MCM5: variants seen among roughly 807,000 people sequenced by gnomAD.
The protein encoded by MCM5 is minichromosome maintenance complex component 5, also known as DNA replication licensing factor MCM5.
In MCM5, 46 loss-of-function variants were observed where a neutral mutation model predicts 79.9. That is an observed-to-expected ratio of 0.58 (90% CI 0.45 to 0.74). The LOEUF (loss-of-function observed/expected upper bound fraction) is 0.74. Among genes scored for constraint, MCM5 ranks in the 30% least tolerant of loss-of-function variants. MCM5 has a pLI of 0.00. For synonymous variants in MCM5, 404 were observed against 390.5 expected (o/e 1.03, Z -0.41); for missense variants, 883 against 1,017.0 (o/e 0.87, Z 1.79).
At chr22:35,453,612 C>G in the MCM5 span, among the ~76,000 whole-genome samples, 1 of 148,826 alleles carries the variant, frequency 6.7e-6, no homozygotes, top group Non-Finnish European at 1.5e-5. Flanking sequence ...TAAATAGAGA[C>G]AGAGAGATAA....
chr22:35,443,145 G>A, the MCM5 span, among the ~76,000 whole-genome samples: 5 of 152,136 alleles, frequency 3.3e-5, no homozygotes, highest in African/African-American at 7.2e-5. Context: ...CCACTCATTC[G>A]ATTGCCACAT....
the MCM5 span, among the ~76,000 whole-genome samples, chr22:35,452,295 G>C: frequency 6.6e-6 from 1 of 151,256 alleles, no homozygotes; most frequent in African/African-American, 2.4e-5. Flanking sequence ...CGCAGGCCTC[G>C]ACCACACCAC....
downstream of MCM5, among the ~76,000 whole-genome samples, chr22:35,428,654 A>G (rs552788699): frequency 6.6e-6 from 1 of 152,228 alleles, no homozygotes; most frequent in African/African-American, 2.4e-5. Context: ...GTAAGGTAGT[A>G]AGCTCCCTGT....
At chr22:35,414,082 C>G in intron 9 of MCM5, 96 bp downstream of exon 9, 1 of 746,768 alleles carries the variant, frequency 1.3e-6, no homozygotes, top group Non-Finnish European at 2.3e-6. Context: ...GGTGGGCTGG[C>G]TCACCCGGAA....
chr22:35,411,094 C>T (rs1489941400), intron 7 of MCM5, 184 bp downstream of exon 7: 2 of 534,482 alleles, frequency 3.7e-6, no homozygotes, highest in East Asian at 6.3e-5. Context: ...CTAGCTGTGG[C>T]TCCTGGGCTG....
At chr22:35,409,981 G>T (rs1018401213) in intron 6 of MCM5, 1 of 152,418 alleles carries the variant, frequency 6.6e-6, no homozygotes, top group African/African-American at 2.4e-5. Context: ...AACTTACGAA[G>T]TGGGTATGGG....
intron 2 of MCM5, among the ~76,000 whole-genome samples, chr22:35,401,108 C>T (rs2053288143): frequency 6.6e-6 from 1 of 152,250 alleles, no homozygotes; most frequent in African/African-American, 2.4e-5. Context: ...GCGTGAGCCA[C>T]CGTGCCCGGC....
Position 35,424,416 on chromosome 22 carries a change from G to C in MCM5, c.*161G>C, listed in dbSNP as rs1293193169. On this transcript the variant is annotated 3_prime_UTR_variant, in exon 17 of 17. Transcript: ENST00000216122. ...CCAGAGGAAGGAGCTGTAGTGTCCT[G>C]CTGCCTCTGGGCGCCCGCCTCTAGC... 1.2e-5 allele frequency: 7 copies of C among 581,060 alleles called. No individual in the cohort carries two copies. The highest frequency in any genetic ancestry group is 1.2e-4 in the African/African-American group (6 of 52,170). 36.0% of individuals were successfully genotyped at this position (581,060 alleles called of 1,614,324 possible). A position where few individuals can be genotyped will look rare whatever the true frequency, so the allele number is the denominator to read the frequency against.
the MCM5 span, among the ~76,000 whole-genome samples, chr22:35,453,819 T>TATATATAGAGAGAG: frequency 1.6e-3 from 130 of 81,524 alleles, 1 homozygote; most frequent in African/African-American, 4.4e-3. Context: ...TATATATATA[T>TATATATAGAGAGAG]AGAGAGAGAG....
intron 13 of MCM5, among the ~76,000 whole-genome samples, chr22:35,419,457 G>A (rs1259766667): frequency 1.3e-5 from 2 of 152,164 alleles, no homozygotes; most frequent in African/African-American, 2.4e-5. Context: ...TCAGCTTGTC[G>A]TGTCTTCAGA....
chr22:35,403,549 C>G lies in MCM5; in HGVS notation c.423+7C>G. ...CAGCATTCGTAGCCTGAAGGTGGGT[C>G]GGAGGGCAGTGGCTGCTGCATGGTG... is the stretch of plus-strand genomic sequence containing the variant. On this transcript the variant is annotated splice_region_variant and intron_variant, in intron 4 of 16. Transcript: ENST00000216122. 3 of 1,612,260 alleles carry G rather than the reference C, an allele frequency of 1.9e-6. No homozygotes were observed. The highest frequency in any genetic ancestry group is 2.5e-6 in the Non-Finnish European group (3 of 1,179,930).
intron 2 of MCM5, 105 bp downstream of exon 2, chr22:35,400,710 CGGG>C (rs1932019822): frequency 2.3e-6 from 3 of 1,296,712 alleles, no homozygotes; most frequent in Non-Finnish European, 3.1e-6. Context: ...TGGGCCCAGA[CGGG>C]GGAAAGAGCC....
chr22:35,453,322 T>G, the MCM5 span, among the ~76,000 whole-genome samples: 1 of 145,906 alleles, frequency 6.9e-6, no homozygotes, highest in African/African-American at 2.6e-5. Flanking sequence ...GGGACAGAGA[T>G]AGAGAGACAG....
At chr22:35,423,827 T>A (rs557904367) in intron 16 of MCM5, 1 of 276,530 alleles carries the variant, frequency 3.6e-6, no homozygotes, top group Non-Finnish European at 6.7e-6. Flanking sequence ...GTACATCATC[T>A]CATTTTGATT....
chr22:35,401,660 A>G, intron 2 of MCM5: 1 of 471,178 alleles, frequency 2.1e-6, no homozygotes, highest in Non-Finnish European at 4.4e-6. Context: ...TCACTTACTC[A>G]TGCAGCAGCT....
At chr22:35,452,637 C>A in the MCM5 span, among the ~76,000 whole-genome samples, 1 of 152,158 alleles carries the variant, frequency 6.6e-6, no homozygotes, top group Non-Finnish European at 1.5e-5. Flanking sequence ...GAGAAAGAAG[C>A]CCTTGGCACT....
At chr22:35,451,685 C>G in the MCM5 span, among the ~76,000 whole-genome samples, 1 of 152,224 alleles carries the variant, frequency 6.6e-6, no homozygotes, top group African/African-American at 2.4e-5. Flanking sequence ...TGTCCTTTGT[C>G]CCCCTGCAGA....
chr22:35,416,601 C>T (rs776893606), intron 11 of MCM5, 37 bp from the exon 12 acceptor site: 1 of 1,564,428 alleles, frequency 6.4e-7, no homozygotes, highest in South Asian at 1.1e-5. Flanking sequence ...GCATCTTTGC[C>T]ATCTCCTCCC....
At chr22:35,420,220 C>T (rs1379521879) in intron 14 of MCM5, among the ~76,000 whole-genome samples, 1 of 152,204 alleles carries the variant, frequency 6.6e-6, no homozygotes, top group Admixed American at 6.5e-5. Flanking sequence ...CCGGGCAAAC[C>T]TAGACCCCTC....
Sources: allele counts gnomAD v4.1 joint callset (sites outside exome capture counted in the v4.1 genomes callset), GRCh38; gene constraint gnomAD v4.1.1; transcripts MANE v1.5; gene names NCBI Gene and HGNC (gene_info 2026-07-23, HGNC 2026-07-21).